GRID2IP: variants seen among roughly 807,000 people sequenced by gnomAD.
GRID2IP encodes the protein Grid2 interacting protein, also known as delphilin.
In GRID2IP, 78 loss-of-function variants were observed where a neutral mutation model predicts 114.3. The ratio of observed to expected loss-of-function variants is 0.68; its 90% CI spans 0.57 to 0.82. The LOEUF (loss-of-function observed/expected upper bound fraction) is 0.82. Ranked by LOEUF, GRID2IP falls within the 40% of genes least tolerant of loss-of-function variation. GRID2IP has a pLI of 0.00. For missense variants in GRID2IP, 1,727 were observed against 1,678.5 expected, an observed-to-expected ratio of 1.03 and a Z score of -0.51; for synonymous variants, 809 against 724.0, an observed-to-expected ratio of 1.12 and a Z score of -1.89.
At chr7:6,501,332 C>T (rs997934950) in intron 20 of GRID2IP, among the ~76,000 whole-genome samples, 13 of 152,134 alleles carry the variant, frequency 8.5e-5, no homozygotes, top group Admixed American at 7.2e-4. Flanking sequence ...GCCTGGGCAA[C>T]AGAGCAAGGC....
intron 1 of GRID2IP, among the ~76,000 whole-genome samples, chr7:6,540,601 A>C (rs1482833728): frequency 1.4e-5 from 2 of 147,308 alleles, no homozygotes; most frequent in Admixed American, 1.4e-4. Flanking sequence ...ATTCACTGCA[A>C]CCTCCGCCTC....
intron 15 of GRID2IP, among the ~76,000 whole-genome samples, chr7:6,504,070 G>A (rs1196258240): frequency 1.3e-5 from 2 of 149,886 alleles, no homozygotes; most frequent in Non-Finnish European, 3.0e-5. Flanking sequence ...AGGTAGACCT[G>A]TGAGGCAGAG....
In GRID2IP at chr7:6,534,881, A is replaced by G. The variant is rs889681175; in HGVS notation, c.584+4837T>C. Among the ~76,000 whole-genome samples, 1 of 151,720 alleles carries G rather than the reference A, an allele frequency of 6.6e-6. No individual in the cohort carries two copies. Among genetic ancestry groups the G allele is most frequent in the Non-Finnish European group, 1.5e-5 (1 of 67,958 alleles). ...CTGGCAACTGCCATCATGCCCAGCTAATTTATTTATTTATTTATTTTGAGA... is the reference window on the plus strand; with the variant it reads ...CTGGCAACTGCCATCATGCCCAGCTGATTTATTTATTTATTTATTTTGAGA... On this transcript the variant is annotated intron_variant, in intron 2 of 21. Coordinates refer to ENST00000457091, the MANE Select transcript of GRID2IP (RefSeq NM_001145118.2). The surrounding 1 kb of genome is among the most constrained non-coding windows in gnomAD (Gnocchi z 4.5).
chr7:6,537,534 C>A (rs907792344), intron 2 of GRID2IP, among the ~76,000 whole-genome samples: 1 of 151,042 alleles, frequency 6.6e-6, no homozygotes, highest in African/African-American at 2.4e-5. Flanking sequence ...CCCGCCACCA[C>A]AACCTGCTAA....
rs1779966604 is a variant in GRID2IP, at chr7:6,551,013, G to T, written c.424C>A (p.Arg142Ser). The T allele has an allele frequency of 4.8e-6, 6 of 1,240,180 alleles. No homozygotes were observed. Among genetic ancestry groups the T allele is most frequent in the South Asian group, 3.4e-5 (1 of 29,214 alleles). The allele number at this position is 1,240,180 out of a possible 1,614,324, so 76.8% of individuals were successfully genotyped here. Reference sequence around the variant, plus strand: ...CTCCCACCCCCGCGCCTTACCTTGCGGCTGAACTCTTGGGCCTTGCGCCTG... The same window carrying T: ...CTCCCACCCCCGCGCCTTACCTTGCTGCTGAACTCTTGGGCCTTGCGCCTG... ...ERRRKAQEFSRKVDEILGDQP... is the reference protein window; with the variant it reads ...ERRRKAQEFSSKVDEILGDQP... Residue 142 changes from arginine (R) to serine (S), a missense_variant, in exon 1 of 22, where the codon CGC (arginine) becomes AGC (serine). Coordinates refer to ENST00000457091, the MANE Select transcript of GRID2IP (RefSeq NM_001145118.2).
intron 7 of GRID2IP, among the ~76,000 whole-genome samples, chr7:6,515,085 AC>A (rs1214886275): frequency 6.6e-6 from 1 of 152,140 alleles, no homozygotes; most frequent in East Asian, 1.9e-4. Context: ...CAAGTGACTT[AC>A]CCTCTCTGTG....
rs912771427 is a variant in GRID2IP, at chr7:6,504,901, G to A, written c.2633-31C>T. ...AAAGAAACTGACAGTTTACGGAGGC[G>A]GCTAGGCTGAGGCTGCAGTGGGAAG... On this transcript the variant is annotated intron_variant, in intron 14 of 21. Coordinates refer to ENST00000457091, the MANE Select transcript of GRID2IP (RefSeq NM_001145118.2). 3.6e-5 allele frequency: 56 copies of A among 1,545,032 alleles called. No homozygotes were observed. In the Admixed American group the frequency reaches 8.0e-4, roughly 22 times the overall value.
chr7:6,530,886 C>A (rs549051963), intron 2 of GRID2IP, among the ~76,000 whole-genome samples: 6 of 152,386 alleles, frequency 3.9e-5, no homozygotes, highest in African/African-American at 1.4e-4. Flanking sequence ...GCCCCGGTAC[C>A]CACCGAGTTT....
chr7:6,523,182 T>C lies in GRID2IP; in HGVS notation c.920-1225A>G, dbSNP rs947166398. 6.6e-6 allele frequency among the ~76,000 whole-genome samples: 1 copy of C among 152,178 alleles called. No homozygotes were observed. Among genetic ancestry groups the C allele is most frequent in the Admixed American group, 6.6e-5 (1 of 15,250 alleles). On this transcript the variant is annotated intron_variant, in intron 4 of 21. Coordinates refer to ENST00000457091, the MANE Select transcript of GRID2IP (RefSeq NM_001145118.2). The surrounding 1 kb of genome is among the most constrained non-coding windows in gnomAD (Gnocchi z 4.5). Reference sequence around the variant, plus strand: ...AAATGATCAATGGCTAAATAAAATATACTCTCAGATTGCGAGAAGTTCTCT... The same window carrying C: ...AAATGATCAATGGCTAAATAAAATACACTCTCAGATTGCGAGAAGTTCTCT...
intron 16 of GRID2IP, 34 bp downstream of exon 16, chr7:6,503,457 C>A: frequency 6.7e-7 from 1 of 1,486,940 alleles, no homozygotes; most frequent in Non-Finnish European, 8.9e-7. Context: ...GTGGAGCCGG[C>A]CGAGGCCTCG....
chr7:6,502,745 G>GTAGA, intron 18 of GRID2IP, 41 bp downstream of exon 18: 1 of 1,444,270 alleles, frequency 6.9e-7, no homozygotes, highest in African/African-American at 1.4e-5. Flanking sequence ...CGCCTTGCTG[G>GTAGA]TAGAGCAAAC....
Position 6,551,410 on chromosome 7 carries a change from C to T in GRID2IP, c.27G>A (p.Thr9=), listed in dbSNP as rs4724818. 14 of 1,545,026 alleles carry T rather than the reference C, an allele frequency of 9.1e-6. No individual in the cohort carries two copies. Among genetic ancestry groups the T allele is most frequent in the Admixed American group, 2.0e-5 (1 of 50,408 alleles). The change falls in exon 1 of 22, where the codon ACG becomes ACA. Residue 9 remains threonine, a synonymous_variant. Transcript: ENST00000457091. MATTATPA[T]NQGWPEDFGF... is the part of the protein sequence containing the mutation. ...CAAAGTCCTCTGGCCAGCCCTGGTT[C>T]GTGGCCGGCGTGGCAGTGGTGGCCA...
Position 6,506,530 on chromosome 7 carries a change from C to T in GRID2IP, c.2545-623G>A, listed in dbSNP as rs1408318265. ...CTGAGGATGGATTTGGGTTTGGCCA[C>T]ATGTGTGACCTGTGTCCCTGTGTCC... On this transcript the variant is annotated intron_variant, in intron 13 of 21. Transcript: ENST00000457091. This position sits in a 1 kb window ranked among gnomAD's most constrained non-coding sequence, Gnocchi z 5.2. 6.6e-6 allele frequency among the ~76,000 whole-genome samples: 1 copy of T among 152,192 alleles called. No homozygotes were observed. Among genetic ancestry groups the T allele is most frequent in the Non-Finnish European group, 1.5e-5 (1 of 68,030 alleles).
intron 7 of GRID2IP, 35 bp from the exon 8 acceptor site, chr7:6,514,564 T>G: frequency 6.8e-7 from 1 of 1,465,068 alleles, no homozygotes; most frequent in South Asian, 1.3e-5. Context: ...GGCTCAATAC[T>G]CACGGGCTTA....
chr7:6,510,497 C>T, intron 10 of GRID2IP, 97 bp from the exon 11 acceptor site: 1 of 1,292,104 alleles, frequency 7.7e-7, no homozygotes, highest in Non-Finnish European at 1.0e-6. Flanking sequence ...GGATATGCCC[C>T]AGCCTGAAGC....
chr7:6,522,049 G>T, intron 4 of GRID2IP, 92 bp from the exon 5 acceptor site: 1 of 1,023,988 alleles, frequency 9.8e-7, no homozygotes, highest in South Asian at 1.4e-5. Flanking sequence ...GAGAAATGGA[G>T]ACTCAGAGAC....
intron 2 of GRID2IP, 38 bp downstream of exon 2, chr7:6,539,680 C>A: frequency 6.6e-7 from 1 of 1,509,756 alleles, no homozygotes; most frequent in Non-Finnish European, 8.9e-7. Context: ...TAAGTGAGAC[C>A]CACCCTGCCT....
chr7:6,548,621 A>C (rs531861660), intron 1 of GRID2IP, among the ~76,000 whole-genome samples: 10 of 152,250 alleles, frequency 6.6e-5, no homozygotes, highest in Non-Finnish European at 1.5e-4. Context: ...ATGGATCACG[A>C]GGTCAGGAGT....
chr7:6,497,064 C>T lies in GRID2IP; in HGVS notation c.*710G>A, dbSNP rs548825875. On this transcript the variant is annotated 3_prime_UTR_variant, in exon 22 of 22. Transcript: ENST00000457091. Reference sequence around the variant, plus strand: ...CCACCAGATCCTGCTCACCTCCTGCCTCAACACCTCCCCATTCTGTCTGCT... The same window carrying T: ...CCACCAGATCCTGCTCACCTCCTGCTTCAACACCTCCCCATTCTGTCTGCT... Among the ~76,000 whole-genome samples, 3 of 152,298 alleles carry T rather than the reference C, an allele frequency of 2.0e-5. No individual in the cohort carries two copies. In the South Asian group the frequency reaches 6.2e-4, roughly 32 times the overall value.
Sources: gnomAD v4.1 joint callset for allele counts (sites outside exome capture counted in the v4.1 genomes callset) on GRCh38, gnomAD v4.1.1 for gene constraint, Gnocchi (gnomAD v3.1) non-coding constraint, MANE v1.5 for transcripts, NCBI Gene and HGNC (gene_info 2026-07-23, HGNC 2026-07-21) for gene names.